Variants in NBEAL1 observed in about 807,000 individuals in gnomAD.
NBEAL1 encodes the protein neurobeachin like 1, also known as neurobeachin-like protein 1.
A neutral mutation model predicts 351.3 loss-of-function variants in NBEAL1; 273 were observed. The observed-to-expected ratio is 0.78, with a 90% CI of 0.70 to 0.86. The LOEUF (loss-of-function observed/expected upper bound fraction) is 0.86. Ranked by LOEUF, NBEAL1 falls within the 40% of genes least tolerant of loss-of-function variation. NBEAL1 has a pLI of 0.00. For missense variants in NBEAL1, 2,961 were observed against 3,201.3 expected, an observed-to-expected ratio of 0.92 and a Z score of 1.81; for synonymous variants, 1,050 against 1,086.4, an observed-to-expected ratio of 0.97 and a Z score of 0.66.
At position 203,133,131 on chromosome 2, in the gene NBEAL1, G is replaced by A; in HGVS notation, c.3798G>A (p.Val1266=). ...ISHRAHINVR[V]AICRKVLQIL... is the part of the protein sequence containing the mutation. ...ACAGAGCACATATAAATGTTAGAGT[G>A]GCCATCTGCAGAAAGGTCAGTAAAC... is the stretch of plus-strand genomic sequence containing the variant. The change falls in exon 27 of 56, where the codon GTG becomes GTA. Residue 1266 remains valine, a synonymous_variant. Coordinates refer to ENST00000683969, the MANE Select transcript of NBEAL1 (RefSeq NM_001378026.1). The A allele has an allele frequency of 6.7e-7, 1 of 1,483,628 alleles. No homozygotes were observed. The highest frequency in any genetic ancestry group is 9.1e-7 in the Non-Finnish European group (1 of 1,093,916). The allele number at this position is 1,483,628 out of a possible 1,614,324, so 91.9% of individuals were successfully genotyped here.
intron 51 of NBEAL1, among the ~76,000 whole-genome samples, chr2:203,206,572 C>A (rs767690050): frequency 3.2e-4 from 44 of 139,068 alleles, no homozygotes; most frequent in South Asian, 1.6e-3. Context: ...CGCGCCGCCA[C>A]GCCTGACTGG....
chr2:203,166,423 T>G, intron 37 of NBEAL1, 126 bp downstream of exon 37: 2 of 848,196 alleles, frequency 2.4e-6, no homozygotes, highest in Non-Finnish European at 3.6e-6. Context: ...GGAAAGTCAG[T>G]AAGGGGTCAA....
chr2:203,079,751 A>G (rs2061840136), intron 8 of NBEAL1, among the ~76,000 whole-genome samples: 1 of 152,208 alleles, frequency 6.6e-6, no homozygotes, highest in Non-Finnish European at 1.5e-5. Context: ...TTATGCCAAT[A>G]ATACACTAGG....
At position 203,137,383 on chromosome 2, in the gene NBEAL1, G is replaced by C. The variant is rs137979619; in HGVS notation, c.4565+609G>C. On this transcript the variant is annotated intron_variant, in intron 29 of 55. Transcript: ENST00000683969. Reference sequence around the variant, plus strand: ...ACAGTCCTTCTTCCAGTGTGGCTCAGGTAAGCCAAAAGATTGGACACCCCT... The same window carrying C: ...ACAGTCCTTCTTCCAGTGTGGCTCACGTAAGCCAAAAGATTGGACACCCCT... Among the ~76,000 whole-genome samples the C allele has an allele frequency of 2.2e-4, 33 of 152,202 alleles. No individual in the cohort carries two copies. The East Asian group carries it at 5.6e-3, about 26-fold the overall frequency.
intron 8 of NBEAL1, among the ~76,000 whole-genome samples, chr2:203,079,196 A>G (rs1017143090): frequency 6.6e-6 from 1 of 152,128 alleles, no homozygotes; most frequent in Non-Finnish European, 1.5e-5. Context: ...CTCCCACTTC[A>G]GCCTCCTAAG....
At chr2:203,084,338 G>A in intron 9 of NBEAL1, 125 bp from the exon 10 acceptor site, 1 of 463,006 alleles carries the variant, frequency 2.2e-6, no homozygotes, top group East Asian at 3.5e-5. Flanking sequence ...GTGTGTTAGT[G>A]TCATTTTAAA....
chr2:203,130,213 A>C lies in NBEAL1; in HGVS notation c.3406-105A>C, dbSNP rs1247041945. ...TATCAGATATAGTGAAGTTAAGATA[A>C]AACATTATATAGGATTTAATTAAAT... On this transcript the variant is annotated intron_variant, in intron 24 of 55. Coordinates refer to ENST00000683969, the MANE Select transcript of NBEAL1 (RefSeq NM_001378026.1). 6 of 1,118,456 alleles carry C rather than the reference A, an allele frequency of 5.4e-6. No individual in the cohort carries two copies. The East Asian group carries it at 1.9e-4, about 35-fold the overall frequency. The allele number at this position is 1,118,456 out of a possible 1,614,324, so 69.3% of individuals were successfully genotyped here.
intron 43 of NBEAL1, 113 bp downstream of exon 43, chr2:203,180,625 C>A (rs2105734138): frequency 2.0e-6 from 2 of 985,458 alleles, no homozygotes; most frequent in Non-Finnish European, 2.8e-6. Flanking sequence ...TTCATTCTGT[C>A]TGTGGATTAC....
At chr2:203,160,008 C>T (rs1243466343) in intron 36 of NBEAL1, among the ~76,000 whole-genome samples, 2 of 151,082 alleles carry the variant, frequency 1.3e-5, no homozygotes, top group African/African-American at 4.9e-5. Context: ...AGCATCTTTC[C>T]ATGTGCTTGT....
rs935657767 is a variant in NBEAL1 at position 203,116,807 on chromosome 2, A to G, written c.2592+737A>G. Among the ~76,000 whole-genome samples, 698 of 145,884 alleles carry G rather than the reference A, an allele frequency of 4.8e-3. 4 individuals carry two copies. The highest frequency in any genetic ancestry group is 8.6e-3 in the Admixed American group (125 of 14,562). On this transcript the variant is annotated intron_variant, in intron 18 of 55. Coordinates refer to ENST00000683969, the MANE Select transcript of NBEAL1 (RefSeq NM_001378026.1). ...CCTGTCTCAAAAAAAAAAAAAAAAAAGGGGGGGGCCCAGCACAGTGGCTGT... is the reference window on the plus strand; with the variant it reads ...CCTGTCTCAAAAAAAAAAAAAAAAAGGGGGGGGGCCCAGCACAGTGGCTGT...
intron 6 of NBEAL1, among the ~76,000 whole-genome samples, chr2:203,059,826 G>T (rs1490792354): frequency 1.3e-5 from 2 of 152,214 alleles, no homozygotes; most frequent in Non-Finnish European, 2.9e-5. Context: ...CAAGGCTTCA[G>T]TTAGCTATAG....
chr2:203,055,617 C>A (rs201459420), intron 4 of NBEAL1, among the ~76,000 whole-genome samples: 34 of 147,960 alleles, frequency 2.3e-4, no homozygotes, highest in Middle Eastern at 6.8e-3. Flanking sequence ...AAAAAAAAAA[C>A]CAGAAGAAGT....
chr2:203,120,624 G>A (rs976106659), intron 18 of NBEAL1, among the ~76,000 whole-genome samples: 3 of 152,148 alleles, frequency 2.0e-5, no homozygotes, highest in East Asian at 1.9e-4. Context: ...AGAGAGCAAG[G>A]TCACATTAGA....
chr2:203,130,194 A>G, intron 24 of NBEAL1, 124 bp from the exon 25 acceptor site: 4 of 919,588 alleles, frequency 4.3e-6, no homozygotes, highest in Non-Finnish European at 6.2e-6. Flanking sequence ...ATCATATCAG[A>G]TATAGTGAAG....
chr2:203,137,001 G>A (rs10932006), intron 29 of NBEAL1, among the ~76,000 whole-genome samples: 147,215 of 152,342 alleles, frequency 0.97, 71,148 homozygotes, highest in Middle Eastern at 0.99. Context: ...GTAAATTTGG[G>A]TCATAAGTGA....
intron 44 of NBEAL1, among the ~76,000 whole-genome samples, chr2:203,185,198 C>T (rs573515970): frequency 1.1e-4 from 16 of 152,264 alleles, no homozygotes; most frequent in Non-Finnish European, 1.9e-4. Flanking sequence ...TTATTGTAGG[C>T]ATGTAGGCAT....
At chr2:203,136,347 C>A in intron 28 of NBEAL1, 95 bp downstream of exon 28, 1 of 948,206 alleles carries the variant, frequency 1.1e-6, no homozygotes, top group Non-Finnish European at 1.5e-6. Context: ...TTAACAATTT[C>A]ATATTGTATT....
intron 32 of NBEAL1, 27 bp from the exon 33 acceptor site, chr2:203,144,984 A>G: frequency 6.6e-7 from 1 of 1,510,590 alleles, no homozygotes; most frequent in Non-Finnish European, 8.9e-7. Context: ...ATTAAATTTT[A>G]TGTATCTTTT....
chr2:203,150,600 T>G (rs1413188767), intron 34 of NBEAL1, among the ~76,000 whole-genome samples: 2 of 152,068 alleles, frequency 1.3e-5, no homozygotes, highest in Non-Finnish European at 2.9e-5. Context: ...ATTTTTCTGT[T>G]TTTTTGGGTT....
Sources: allele counts gnomAD v4.1 joint callset (sites outside exome capture counted in the v4.1 genomes callset), GRCh38; gene constraint gnomAD v4.1.1; transcripts MANE v1.5; gene names NCBI Gene and HGNC (gene_info 2026-07-23, HGNC 2026-07-21).